LARP1B: variants seen among roughly 807,000 people sequenced by gnomAD.
LARP1B encodes the protein La ribonucleoprotein 1B, also known as la-related protein 1B.
A neutral mutation model predicts 114.2 loss-of-function variants in LARP1B; 76 were observed. That is an observed-to-expected ratio of 0.67 (90% confidence interval 0.55 to 0.81). LARP1B has a LOEUF of 0.81. Among genes scored for constraint, LARP1B ranks in the 30% least tolerant of loss-of-function variants. The pLI is 0.00. For synonymous variants in LARP1B, 345 were observed against 348.0 expected, an observed-to-expected ratio of 0.99 and a Z score of 0.10; for missense variants, 1,014 against 1,075.8, an observed-to-expected ratio of 0.94 and a Z score of 0.80.
chr4:128,157,291 T>C (rs1357228368), intron 11 of LARP1B, among the ~76,000 whole-genome samples: 1 of 152,070 alleles, frequency 6.6e-6, no homozygotes, highest in African/African-American at 2.4e-5. Context: ...ATTATTAAAC[T>C]GGAAGATGGA....
chr4:128,155,713 C>A, intron 11 of LARP1B: 2 of 1,607,444 alleles, frequency 1.2e-6, no homozygotes, highest in Non-Finnish European at 8.5e-7. Context: ...GGAGCGCCGC[C>A]GAGTAAGGCC....
chr4:128,210,023 T>C lies in LARP1B; in HGVS notation c.2715T>C (p.Ile905=), dbSNP rs760521873. 1.5e-5 allele frequency: 24 copies of C among 1,613,968 alleles called. No individual in the cohort carries two copies. Among genetic ancestry groups the C allele is most frequent in the Non-Finnish European group, 1.9e-5 (23 of 1,179,976 alleles). The part of the protein sequence containing the change: ...QVPINSPRRN[I]SPESSDNSH Reference sequence around the variant, plus strand: ...CAATAAACTCTCCCAGAAGGAATATTTCACCGGAGTCCAGTGACAATTCAC... The same window carrying C: ...CAATAAACTCTCCCAGAAGGAATATCTCACCGGAGTCCAGTGACAATTCAC... Residue 905 remains isoleucine, a synonymous_variant, in exon 20 of 20, where the codon ATT becomes ATC. Transcript: ENST00000326639.
At position 128,209,369 on chromosome 4, in the gene LARP1B, C is replaced by T. The variant is rs538275136; in HGVS notation, c.2548-487C>T. Reference sequence around the variant, plus strand: ...CCCAAAGGCAAAGATTCCAGTGAGCCGATGTGGCACCACTGCACATCAGCT... The same window carrying T: ...CCCAAAGGCAAAGATTCCAGTGAGCTGATGTGGCACCACTGCACATCAGCT... On this transcript the variant is annotated intron_variant, in intron 19 of 19. Transcript: ENST00000326639. Among the ~76,000 whole-genome samples, 6 of 152,108 alleles carry T rather than the reference C, an allele frequency of 3.9e-5. No homozygotes were observed. In the East Asian group the frequency reaches 9.7e-4, roughly 24 times the overall value.
chr4:128,209,386 A>G (rs962762020), intron 19 of LARP1B, among the ~76,000 whole-genome samples: 13 of 152,220 alleles, frequency 8.5e-5, no homozygotes, highest in African/African-American at 3.1e-4. Flanking sequence ...GCACCACTGC[A>G]CATCAGCTTG....
intron 11 of LARP1B, among the ~76,000 whole-genome samples, chr4:128,127,019 A>G (rs954824240): frequency 2.0e-5 from 3 of 152,200 alleles, no homozygotes; most frequent in Admixed American, 2.0e-4. Flanking sequence ...TTCAAGAAAG[A>G]AGAATCATTA....
intron 12 of LARP1B, among the ~76,000 whole-genome samples, chr4:128,170,217 T>A (rs982693927): frequency 2.0e-5 from 3 of 152,186 alleles, no homozygotes; most frequent in Admixed American, 2.0e-4. Flanking sequence ...TTTGTTAATT[T>A]CAAATTTGTT....
At chr4:128,126,267 G>A (rs1305064559) in intron 11 of LARP1B, among the ~76,000 whole-genome samples, 1 of 151,976 alleles carries the variant, frequency 6.6e-6, no homozygotes, top group African/African-American at 2.4e-5. Context: ...GATTACAGGC[G>A]TGTGCCATCA....
intron 4 of LARP1B, among the ~76,000 whole-genome samples, chr4:128,081,639 C>G (rs1770493228): frequency 6.6e-6 from 1 of 152,090 alleles, no homozygotes; most frequent in Non-Finnish European, 1.5e-5. Context: ...ACTTTTTACT[C>G]TCTTTACAAG....
Position 128,151,415 on chromosome 4 carries a change from A to G in LARP1B, c.1525-10779A>G, listed in dbSNP as rs181628092. On this transcript the variant is annotated intron_variant, in intron 11 of 19. Coordinates refer to ENST00000326639, the MANE Select transcript of LARP1B (RefSeq NM_018078.4). ...ATTTCTTTTATTTTTTTCTAAGTCA[A>G]TTCCAGACAGGAATCACACATTGCC... Among the ~76,000 whole-genome samples, 14 of 152,160 alleles carry G rather than the reference A, an allele frequency of 9.2e-5. No individual in the cohort carries two copies. In the East Asian group the frequency reaches 1.2e-3, roughly 13 times the overall value.
chr4:128,185,695 A>T lies in LARP1B; in HGVS notation c.2003+6183A>T, dbSNP rs537004348. Among the ~76,000 whole-genome samples the T allele has an allele frequency of 2.0e-5, 3 of 152,180 alleles. No individual in the cohort carries two copies. In the South Asian group the frequency reaches 6.2e-4, roughly 32 times the overall value. On this transcript the variant is annotated intron_variant, in intron 15 of 19. Transcript: ENST00000326639. Reference sequence around the variant, plus strand: ...TGCAGAAACTTTTTTGCTTGATATAATCTCATTAGTCTATTTTTGCTTTTG... The same window carrying T: ...TGCAGAAACTTTTTTGCTTGATATATTCTCATTAGTCTATTTTTGCTTTTG...
chr4:128,206,742 A>C, intron 18 of LARP1B: 1 of 985,290 alleles, frequency 1.0e-6, no homozygotes, highest in Non-Finnish European at 1.2e-6. Flanking sequence ...ACTACTCTCA[A>C]GTCTTTCTTT....
intron 11 of LARP1B, among the ~76,000 whole-genome samples, chr4:128,143,780 ATAAGT>A (rs1439774316): frequency 1.5e-4 from 12 of 78,324 alleles, no homozygotes; most frequent in African/African-American, 3.0e-4. Flanking sequence ...CTGAACATAG[ATAAGT>A]TAAGGCACAG....
At chr4:128,098,092 A>G in intron 7 of LARP1B, 94 bp from the exon 8 acceptor site, 2 of 954,014 alleles carry the variant, frequency 2.1e-6, no homozygotes, top group Non-Finnish European at 1.6e-6. Flanking sequence ...CAATATTTTC[A>G]TGTTAATGAT....
intron 16 of LARP1B, among the ~76,000 whole-genome samples, chr4:128,199,988 A>G (rs957124915): frequency 2.0e-5 from 3 of 152,294 alleles, no homozygotes; most frequent in Non-Finnish European, 2.9e-5. Context: ...CAGGAGATTG[A>G]GGCAGGAGAA....
chr4:128,106,124 A>G (rs1475901903), intron 8 of LARP1B, among the ~76,000 whole-genome samples: 1 of 151,642 alleles, frequency 6.6e-6, no homozygotes, highest in Non-Finnish European at 1.5e-5. Context: ...CCCTGGTTCA[A>G]GTGATTCTCC....
chr4:128,075,246 C>T (rs1767355206), intron 3 of LARP1B, among the ~76,000 whole-genome samples: 2 of 151,792 alleles, frequency 1.3e-5, no homozygotes, highest in South Asian at 2.1e-4. Flanking sequence ...GGACTACAGG[C>T]ACGCACCACT....
intron 12 of LARP1B, among the ~76,000 whole-genome samples, chr4:128,173,591 G>A (rs1354770486): frequency 6.6e-6 from 1 of 152,142 alleles, no homozygotes; most frequent in East Asian, 1.9e-4. Flanking sequence ...ATCTTAGATA[G>A]TAAAATAGTT....
At chr4:128,092,993 A>C (rs1776422630) in intron 7 of LARP1B, 1 of 985,284 alleles carries the variant, frequency 1.0e-6, no homozygotes, top group East Asian at 1.1e-4. Context: ...GTGTTGACAA[A>C]ATTTCTGATC....
intron 15 of LARP1B, among the ~76,000 whole-genome samples, chr4:128,181,492 C>G (rs1246890555): frequency 6.6e-6 from 1 of 151,900 alleles, no homozygotes; most frequent in East Asian, 1.9e-4. Context: ...CTCATCTATT[C>G]TTCATTCTTT....
Sources: allele counts gnomAD v4.1 joint callset (sites outside exome capture counted in the v4.1 genomes callset), GRCh38; gene constraint gnomAD v4.1.1; transcripts MANE v1.5; gene names NCBI Gene and HGNC (gene_info 2026-07-23, HGNC 2026-07-21).